The following CTNNA3 variants were observed in gnomAD, a reference collection of about 807,000 sequenced individuals.
CTNNA3 encodes catenin alpha-3.
In CTNNA3, 76 loss-of-function variants were observed where a neutral mutation model predicts 95.7. That is an observed-to-expected ratio of 0.79 (90% CI 0.66 to 0.96). The LOEUF is 0.96. CTNNA3 is among the 40% of genes least tolerant of loss of function. CTNNA3 has a pLI of 0.00. For synonymous variants in CTNNA3, 431 were observed against 374.4 expected (o/e 1.15, Z -1.74); for missense variants, 1,191 against 1,089.8 (o/e 1.09, Z -1.31).
At chr10:67,700,884 T>C (rs1267819308), upstream of CTNNA3, among the ~76,000 whole-genome samples, 1 of 151,810 alleles carries the variant, frequency 6.6e-6, no homozygotes, top group Admixed American at 6.6e-5. Context: ...TTGAAAAAAA[T>C]TTAGACGAAT....
chr10:66,647,508 A>ATT (rs142847897), intron 9 of CTNNA3, among the ~76,000 whole-genome samples: 37,399 of 120,620 alleles, frequency 0.31, 6,908 homozygotes, highest in African/African-American at 0.55. Context: ...TATAAAAATT[A>ATT]CTCTTTTTTT....
intron 4 of CTNNA3, among the ~76,000 whole-genome samples, chr10:67,533,912 A>C (rs1840412376): frequency 6.6e-6 from 1 of 152,206 alleles, no homozygotes; most frequent in Non-Finnish European, 1.5e-5. Flanking sequence ...GGATTGAAAA[A>C]AATCTGTTAT....
At chr10:67,102,369 T>C (rs970212609) in intron 7 of CTNNA3, among the ~76,000 whole-genome samples, 4 of 150,732 alleles carry the variant, frequency 2.7e-5, no homozygotes, top group Non-Finnish European at 5.9e-5. Flanking sequence ...CACATCAAAG[T>C]GGTGATGAGT....
chr10:66,742,633 T>G (rs1012310008), intron 9 of CTNNA3, among the ~76,000 whole-genome samples: 8 of 152,162 alleles, frequency 5.3e-5, no homozygotes, highest in African/African-American at 1.9e-4. Context: ...AAAATTTATC[T>G]CTTTTGTACT....
chr10:66,577,488 G>A (rs1379427851), intron 10 of CTNNA3, among the ~76,000 whole-genome samples: 1 of 151,956 alleles, frequency 6.6e-6, no homozygotes, highest in East Asian at 1.9e-4. Flanking sequence ...AACCCATCTT[G>A]AGTTAATTTG....
chr10:66,977,324 T>C (rs372981462), intron 7 of CTNNA3, among the ~76,000 whole-genome samples: 43 of 151,892 alleles, frequency 2.8e-4, no homozygotes, highest in East Asian at 1.7e-3. Context: ...TAGTCCCAGC[T>C]ACTCAGGAGG....
chr10:67,571,828 C>G (rs960288835), intron 3 of CTNNA3, among the ~76,000 whole-genome samples: 45 of 152,256 alleles, frequency 3.0e-4, no homozygotes, highest in African/African-American at 1.1e-3. Context: ...CAGAGTGTGA[C>G]TGAGGATCTG....
chr10:66,302,524 A>C (rs181829985), intron 12 of CTNNA3, among the ~76,000 whole-genome samples: 1 of 152,226 alleles, frequency 6.6e-6, no homozygotes, highest in Non-Finnish European at 1.5e-5. Context: ...CACTATGAAG[A>C]CGTGATAACT....
chr10:67,726,591 T>A (rs1285855490), intron 1 of CTNNA3, among the ~76,000 whole-genome samples: 1 of 45,866 alleles, frequency 2.2e-5, no homozygotes, highest in Non-Finnish European at 3.6e-5. Flanking sequence ...TAATATGTAA[T>A]ATTATATTAC....
chr10:67,266,592 T>C (rs1330680682), intron 5 of CTNNA3, among the ~76,000 whole-genome samples: 1 of 152,184 alleles, frequency 6.6e-6, no homozygotes, highest in Non-Finnish European at 1.5e-5. Flanking sequence ...AGGAAGATGA[T>C]GTGGACACAT....
chr10:66,187,889 A>AG (rs1168565261), intron 13 of CTNNA3, among the ~76,000 whole-genome samples: 4 of 152,168 alleles, frequency 2.6e-5, no homozygotes, highest in Non-Finnish European at 5.9e-5. Flanking sequence ...ATTCACAGGG[A>AG]GAAAAAAAGC....
chr10:67,029,167 T>C (rs1022296474), intron 7 of CTNNA3, among the ~76,000 whole-genome samples: 1 of 152,218 alleles, frequency 6.6e-6, no homozygotes, highest in African/African-American at 2.4e-5. Flanking sequence ...ATGACTTCTA[T>C]CCAGGCCATT....
intron 11 of CTNNA3, among the ~76,000 whole-genome samples, chr10:66,428,923 T>C (rs565712409): frequency 5.3e-5 from 8 of 151,600 alleles, no homozygotes; most frequent in African/African-American, 1.9e-4. Context: ...CTGAAGGAGA[T>C]AGAGACACAA....
intron 7 of CTNNA3, among the ~76,000 whole-genome samples, chr10:66,834,992 A>G (rs975816248): frequency 3.3e-5 from 5 of 152,210 alleles, no homozygotes; most frequent in African/African-American, 1.2e-4. Flanking sequence ...GGTATGAATC[A>G]TAAGGCCATA....
At chr10:66,744,480 G>T (rs1365679078) in intron 9 of CTNNA3, among the ~76,000 whole-genome samples, 1 of 152,062 alleles carries the variant, frequency 6.6e-6, no homozygotes, top group Admixed American at 6.6e-5. Flanking sequence ...GAGAGCATTG[G>T]GGTTAGGACA....
chr10:67,451,134 G>T (rs1446397161), intron 5 of CTNNA3, among the ~76,000 whole-genome samples: 1 of 151,944 alleles, frequency 6.6e-6, no homozygotes, highest in African/African-American at 2.4e-5. Context: ...GATAAGTTTG[G>T]CCCCCACTTT....
At chr10:66,392,023 C>T (rs1302104549) in intron 11 of CTNNA3, among the ~76,000 whole-genome samples, 1 of 151,842 alleles carries the variant, frequency 6.6e-6, no homozygotes, top group African/African-American at 2.4e-5. Context: ...TTGGGTTTGG[C>T]AAGAACTTTT....
At chr10:67,693,474 A>G (rs1840908194) in intron 1 of CTNNA3, among the ~76,000 whole-genome samples, 1 of 152,190 alleles carries the variant, frequency 6.6e-6, no homozygotes, top group Non-Finnish European at 1.5e-5. Flanking sequence ...TGGGTTGCCA[A>G]CTTCTCTTCT....
At chr10:66,676,924 T>C (rs1317173801) in intron 9 of CTNNA3, among the ~76,000 whole-genome samples, 1 of 151,986 alleles carries the variant, frequency 6.6e-6, no homozygotes, top group Non-Finnish European at 1.5e-5. Context: ...TCCCTCAAAG[T>C]CTCATGGCAC....
Sources: gnomAD v4.1 joint callset for allele counts (sites outside exome capture counted in the v4.1 genomes callset) on GRCh38, gnomAD v4.1.1 for gene constraint, MANE v1.5 for transcripts, NCBI Gene and HGNC (gene_info 2026-07-23, HGNC 2026-07-21) for gene names.